The following SPTBN1 variants were observed in gnomAD, a reference collection of about 807,000 sequenced individuals.
The protein encoded by SPTBN1 is spectrin beta, non-erythrocytic 1.
Under a neutral mutation model 266.4 loss-of-function variants are expected in SPTBN1, and 32 were observed. The observed-to-expected ratio is 0.12, with a 90% CI of 0.09 to 0.16. The LOEUF (loss-of-function observed/expected upper bound fraction) is 0.16, where lower values mean the gene tolerates loss of function less well. SPTBN1 is among the 10% of genes least tolerant of loss of function. SPTBN1 has a pLI of 1.00. For synonymous variants in SPTBN1, 1,336 were observed against 1,162.2 expected, an observed-to-expected ratio of 1.15 and a Z score of -3.04; for missense variants, 2,296 against 3,067.1, an observed-to-expected ratio of 0.75 and a Z score of 5.94.
intron 2 of SPTBN1, among the ~76,000 whole-genome samples, chr2:54,552,682 C>T (rs1023334193): frequency 2.2e-4 from 34 of 152,016 alleles, no homozygotes; most frequent in African/African-American, 8.0e-4. Flanking sequence ...GTCTCCACCT[C>T]CTGACCTCGT....
At chr2:54,561,731 A>G (rs1175778531) in intron 2 of SPTBN1, among the ~76,000 whole-genome samples, 2 of 148,616 alleles carry the variant, frequency 1.3e-5, no homozygotes, top group Non-Finnish European at 3.0e-5. Context: ...ATATAAATAT[A>G]AATCGAGTTA....
intron 2 of SPTBN1, among the ~76,000 whole-genome samples, chr2:54,564,578 C>A (rs1168821508): frequency 6.6e-6 from 1 of 152,186 alleles, no homozygotes; most frequent in African/African-American, 2.4e-5. Flanking sequence ...CACACCTGTA[C>A]CCCACAGAAG....
chr2:54,465,980 C>A (rs889264085), intron 1 of SPTBN1, among the ~76,000 whole-genome samples: 10 of 152,200 alleles, frequency 6.6e-5, no homozygotes, highest in African/African-American at 2.4e-4. Context: ...TTTGAAGAAG[C>A]TTTCAGGATT....
At chr2:54,598,121 T>G (rs942091651) in intron 2 of SPTBN1, among the ~76,000 whole-genome samples, 1 of 152,152 alleles carries the variant, frequency 6.6e-6, no homozygotes, top group African/African-American at 2.4e-5. Flanking sequence ...AAAGCCTATT[T>G]GTATGGTATG....
chr2:54,491,974 C>G (rs1668708975), intron 1 of SPTBN1, among the ~76,000 whole-genome samples: 1 of 152,100 alleles, frequency 6.6e-6, no homozygotes, highest in African/African-American at 2.4e-5. Context: ...GGCAGCATGG[C>G]TGGTAAACAA....
At chr2:54,655,677 C>T (rs777599850) in intron 28 of SPTBN1, among the ~76,000 whole-genome samples, 42 of 152,240 alleles carry the variant, frequency 2.8e-4, no homozygotes, top group Admixed American at 2.0e-4. Flanking sequence ...AGGGAGCCTC[C>T]TCACGACAAA....
At chr2:54,507,257 G>A (rs1669623928) in intron 1 of SPTBN1, among the ~76,000 whole-genome samples, 1 of 152,150 alleles carries the variant, frequency 6.6e-6, no homozygotes, top group Non-Finnish European at 1.5e-5. Context: ...GCAGGTCACT[G>A]GGGATATGAT....
intron 2 of SPTBN1, among the ~76,000 whole-genome samples, chr2:54,531,593 C>G (rs1558812098): frequency 6.7e-6 from 1 of 149,890 alleles, no homozygotes; most frequent in Non-Finnish European, 1.5e-5. Context: ...CTGGCTATAT[C>G]GGTTTTTGTT....
chr2:54,541,692 A>G (rs1424457695), intron 2 of SPTBN1, among the ~76,000 whole-genome samples: 1 of 152,230 alleles, frequency 6.6e-6, no homozygotes, highest in African/African-American at 2.4e-5. Context: ...GGATGACTTC[A>G]GAGTACTCAT....
At chr2:54,585,955 C>G (rs753707024) in intron 2 of SPTBN1, among the ~76,000 whole-genome samples, 4 of 152,184 alleles carry the variant, frequency 2.6e-5, no homozygotes, top group Non-Finnish European at 5.9e-5. Flanking sequence ...ATGAAGAATA[C>G]TCTGTGAGAA....
At position 54,645,592 on chromosome 2, in the gene SPTBN1, T is replaced by C; in HGVS notation, c.4494+139T>C. The stretch of plus-strand genomic sequence containing the variant: ...CTGCCAAAGTCCACGCTCTGGATGG[T>C]CTAAAGTTTCTTTCCCTTTTCACCC... On this transcript the variant is annotated intron_variant, in intron 21 of 35. Transcript: ENST00000356805. This position sits in a 1 kb window ranked among gnomAD's most constrained non-coding sequence, Gnocchi z 4.3. The C allele has an allele frequency of 1.2e-6, 1 of 842,622 alleles. No homozygotes were observed. Among genetic ancestry groups the C allele is most frequent in the Non-Finnish European group, 1.8e-6 (1 of 548,582 alleles). 52.2% of individuals were successfully genotyped at this position (842,622 alleles called of 1,614,324 possible).
rs1204483110 is a variant in SPTBN1, at chr2:54,558,546, C to T, written c.148+31980C>T. Reference sequence around the variant, plus strand: ...ATTTCGAGCTTCCAGGCAAGGGCCACGGAAGAAGGGAAAGCAAGAAATTAG... The same window carrying T: ...ATTTCGAGCTTCCAGGCAAGGGCCATGGAAGAAGGGAAAGCAAGAAATTAG... On this transcript the variant is annotated intron_variant, in intron 2 of 35. Transcript: ENST00000356805. This position sits in a 1 kb window ranked among gnomAD's most constrained non-coding sequence, Gnocchi z 4.6. 13 of 1,289,968 alleles carry T rather than the reference C, an allele frequency of 1.0e-5. No homozygotes were observed. The highest frequency in any genetic ancestry group is 3.1e-5 in the African/African-American group (2 of 64,938). 79.9% of individuals were successfully genotyped at this position (1,289,968 alleles called of 1,614,324 possible).
At chr2:54,617,183 T>C (rs1213160234) in intron 5 of SPTBN1, among the ~76,000 whole-genome samples, 1 of 152,256 alleles carries the variant, frequency 6.6e-6, no homozygotes, top group East Asian at 1.9e-4. Context: ...GAAAGAAAGC[T>C]GAGTGTCACT....
intron 2 of SPTBN1, among the ~76,000 whole-genome samples, chr2:54,592,497 G>C (rs1050783008): frequency 2.0e-5 from 3 of 151,790 alleles, no homozygotes; most frequent in African/African-American, 7.3e-5. Context: ...CGATTCTCCT[G>C]CCTCAGCCTC....
intron 2 of SPTBN1, among the ~76,000 whole-genome samples, chr2:54,578,824 C>T (rs1558862716): frequency 1.3e-5 from 2 of 151,566 alleles, no homozygotes; most frequent in Non-Finnish European, 2.9e-5. Flanking sequence ...TCTGCCACTT[C>T]AAGAGTCCAG....
intron 35 of SPTBN1, 67 bp from the exon 36 acceptor site, chr2:54,668,284 C>A: frequency 1.3e-6 from 2 of 1,528,612 alleles, no homozygotes; most frequent in South Asian, 1.1e-5. Flanking sequence ...CATTCCCAAG[C>A]CTTGGAGCCA....
chr2:54,558,657 C>G lies in SPTBN1; in HGVS notation c.148+32091C>G. 2.7e-6 allele frequency: 4 copies of G among 1,496,578 alleles called. No homozygotes were observed. The highest frequency in any genetic ancestry group is 3.6e-6 in the Non-Finnish European group (4 of 1,121,676). The allele number at this position is 1,496,578 out of a possible 1,614,324, so 92.7% of individuals were successfully genotyped here. A position where few individuals can be genotyped will look rare whatever the true frequency, so the allele number is the denominator to read the frequency against. ...CAGATCACCCTGCTGGACTTGCAGACCGGAATGGGGCTCGCCTAAGGAGCC... is the reference window on the plus strand; with the variant it reads ...CAGATCACCCTGCTGGACTTGCAGAGCGGAATGGGGCTCGCCTAAGGAGCC... On this transcript the variant is annotated intron_variant, in intron 2 of 35. Coordinates refer to ENST00000356805, the MANE Select transcript of SPTBN1 (RefSeq NM_003128.3). The surrounding 1 kb of genome is among the most constrained non-coding windows in gnomAD (Gnocchi z 4.6).
chr2:54,632,838 G>A, intron 17 of SPTBN1, 70 bp downstream of exon 17: 1 of 1,543,408 alleles, frequency 6.5e-7, no homozygotes, highest in South Asian at 1.2e-5. Flanking sequence ...TCATTGGCCA[G>A]AAGCCCTTGG....
At chr2:54,501,047 T>A (rs1669238146) in intron 1 of SPTBN1, among the ~76,000 whole-genome samples, 1 of 152,178 alleles carries the variant, frequency 6.6e-6, no homozygotes, top group Admixed American at 6.5e-5. Flanking sequence ...AATGGCTGAT[T>A]TCTGGAAGGG....
Sources: allele counts gnomAD v4.1 joint callset (sites outside exome capture counted in the v4.1 genomes callset), GRCh38; gene constraint gnomAD v4.1.1; non-coding constraint Gnocchi (gnomAD v3.1); transcripts MANE v1.5; gene names NCBI Gene and HGNC (gene_info 2026-07-23, HGNC 2026-07-21).